KLF12: variants seen among roughly 807,000 people sequenced by gnomAD.
KLF12 encodes the protein KLF transcription factor 12.
Under a neutral mutation model 37.8 loss-of-function variants are expected in KLF12, and 9 were observed. The observed-to-expected ratio is 0.24, with a 90% CI of 0.14 to 0.42. The LOEUF is 0.42. Among genes scored for constraint, KLF12 ranks in the 10% least tolerant of loss-of-function variants. KLF12 has a pLI of 1.00. For missense variants in KLF12, 411 were observed against 516.0 expected, an observed-to-expected ratio of 0.80 and a Z score of 1.97; for synonymous variants, 208 against 202.1, an observed-to-expected ratio of 1.03 and a Z score of -0.25.
At chr13:74,060,711 T>C (rs143883983) in intron 1 of KLF12, among the ~76,000 whole-genome samples, 89 of 152,288 alleles carry the variant, frequency 5.8e-4, no homozygotes, top group Non-Finnish European at 1.2e-3. Flanking sequence ...ATGCCATCAG[T>C]GAACAGAGAT....
intron 3 of KLF12, among the ~76,000 whole-genome samples, chr13:73,875,781 T>C (rs1216670265): frequency 6.6e-6 from 1 of 152,194 alleles, no homozygotes; most frequent in African/African-American, 2.4e-5. Context: ...TAAAAAATGC[T>C]TACAGGTTTA....
the KLF12 span, among the ~76,000 whole-genome samples, chr13:74,287,453 G>C: frequency 2.7e-5 from 4 of 150,258 alleles, no homozygotes; most frequent in South Asian, 8.5e-4. Context: ...TTCTTTGTCT[G>C]AAAACTCGGA....
chr13:73,721,529 G>T (rs536597582), intron 6 of KLF12, among the ~76,000 whole-genome samples: 1 of 152,248 alleles, frequency 6.6e-6, no homozygotes, highest in Admixed American at 6.5e-5. Flanking sequence ...ATCTACCAAA[G>T]AAAGTATTTT....
At chr13:74,047,150 C>T (rs923022604) in intron 1 of KLF12, among the ~76,000 whole-genome samples, 1 of 152,156 alleles carries the variant, frequency 6.6e-6, no homozygotes, top group Non-Finnish European at 1.5e-5. Context: ...AGTCTACATG[C>T]TTGGGTAAGG....
the KLF12 span, among the ~76,000 whole-genome samples, chr13:74,185,939 C>A: frequency 6.6e-6 from 1 of 152,136 alleles, no homozygotes; most frequent in African/African-American, 2.4e-5. Context: ...CCACTGCGAC[C>A]GGCCAAGACT....
At chr13:73,738,421 G>C (rs1877692691) in intron 6 of KLF12, among the ~76,000 whole-genome samples, 1 of 151,674 alleles carries the variant, frequency 6.6e-6, no homozygotes, top group South Asian at 2.1e-4. Flanking sequence ...CAAAGTGTTT[G>C]GATTACAGGC....
intron 3 of KLF12, among the ~76,000 whole-genome samples, chr13:73,888,730 C>T (rs1287626563): frequency 6.6e-6 from 1 of 152,122 alleles, no homozygotes; most frequent in Non-Finnish European, 1.5e-5. Flanking sequence ...ACCTTTCTTA[C>T]AAGAATGTCA....
At chr13:73,755,402 G>T (rs897792389) in intron 6 of KLF12, among the ~76,000 whole-genome samples, 13 of 152,150 alleles carry the variant, frequency 8.5e-5, no homozygotes, top group African/African-American at 3.1e-4. Context: ...TTTATGTAAT[G>T]TATTGAACTG....
At chr13:74,139,985 C>T in the KLF12 span, among the ~76,000 whole-genome samples, 1 of 151,648 alleles carries the variant, frequency 6.6e-6, no homozygotes, top group South Asian at 2.1e-4. Flanking sequence ...ATACATTAAC[C>T]TAGGTATTAT....
the KLF12 span, among the ~76,000 whole-genome samples, chr13:74,176,712 T>C: frequency 6.6e-6 from 1 of 152,214 alleles, no homozygotes; most frequent in African/African-American, 2.4e-5. Flanking sequence ...TTTCATTTCC[T>C]TCCTTGTCCA....
chr13:74,052,343 GCTACTCATTAGATAATT>G (rs1214332778), intron 1 of KLF12, among the ~76,000 whole-genome samples: 1 of 152,076 alleles, frequency 6.6e-6, no homozygotes, highest in Non-Finnish European at 1.5e-5. Flanking sequence ...GGGTTTACCT[GCTACTCATTAGATAATT>G]CTGAGAATTA....
intron 1 of KLF12, among the ~76,000 whole-genome samples, chr13:74,047,694 C>T (rs1015327778): frequency 8.6e-5 from 13 of 151,696 alleles, no homozygotes; most frequent in African/African-American, 2.9e-4. Context: ...CAAACAGAGG[C>T]AAAAATAAAT....
chr13:73,828,406 T>C (rs1328924848), intron 4 of KLF12, among the ~76,000 whole-genome samples: 2 of 152,238 alleles, frequency 1.3e-5, no homozygotes, highest in African/African-American at 4.8e-5. Flanking sequence ...TCATTTTAGA[T>C]ATACGTCTTT....
intron 6 of KLF12, among the ~76,000 whole-genome samples, chr13:73,731,521 G>A (rs1223219820): frequency 4.5e-5 from 5 of 110,348 alleles, no homozygotes; most frequent in Non-Finnish European, 8.7e-5. Context: ...CGGGTCCATG[G>A]TAGAGGAAAT....
At chr13:74,302,281 A>G in the KLF12 span, among the ~76,000 whole-genome samples, 2 of 152,176 alleles carry the variant, frequency 1.3e-5, no homozygotes, top group Non-Finnish European at 2.9e-5. Flanking sequence ...CAGAAACAGC[A>G]TTTTAAAAAC....
intron 3 of KLF12, among the ~76,000 whole-genome samples, chr13:73,926,684 C>A (rs1375151870): frequency 2.0e-5 from 3 of 149,594 alleles, no homozygotes; most frequent in African/African-American, 7.4e-5. Flanking sequence ...ACTTACTTTT[C>A]AGAACTAATC....
the KLF12 span, among the ~76,000 whole-genome samples, chr13:74,273,958 T>G: frequency 6.6e-6 from 1 of 152,116 alleles, no homozygotes; most frequent in Non-Finnish European, 1.5e-5. Context: ...AGTGCACAAA[T>G]GCAGTGATCA....
chr13:74,127,640 A>C (rs905993338), intron 1 of KLF12, among the ~76,000 whole-genome samples: 12 of 152,356 alleles, frequency 7.9e-5, no homozygotes, highest in African/African-American at 2.6e-4. Context: ...GGGTTTAAAA[A>C]AATTGTTTTT....
At chr13:74,027,624 G>A (rs1467670853) in intron 1 of KLF12, among the ~76,000 whole-genome samples, 1 of 152,140 alleles carries the variant, frequency 6.6e-6, no homozygotes, top group African/African-American at 2.4e-5. Flanking sequence ...AAAAACAGTG[G>A]TTTCTAATTC....
Sources: allele counts gnomAD v4.1 joint callset (sites outside exome capture counted in the v4.1 genomes callset), GRCh38; gene constraint gnomAD v4.1.1; transcripts MANE v1.5; gene names NCBI Gene and HGNC (gene_info 2026-07-23, HGNC 2026-07-21).